The following NTM variants were observed in gnomAD, a reference collection of about 807,000 sequenced individuals.
NTM encodes the protein neurotrimin.
A neutral mutation model predicts 42.1 loss-of-function variants in NTM; 13 were observed. The ratio of observed to expected loss-of-function variants is 0.31; its 90% confidence interval spans 0.20 to 0.49. The LOEUF is 0.49. Ranked by LOEUF, NTM falls within the 20% of genes least tolerant of loss-of-function variation. The pLI, the probability that NTM is intolerant of heterozygous loss-of-function variation, is 0.99. For missense variants in NTM, 373 were observed against 452.8 expected, an observed-to-expected ratio of 0.82 and a Z score of 1.60; for synonymous variants, 187 against 179.2, an observed-to-expected ratio of 1.04 and a Z score of -0.35.
chr11:131,605,809 T>C lies in NTM; in HGVS notation c.82+234921T>C, dbSNP rs934968958. On this transcript the variant is annotated intron_variant, in intron 1 of 8. Coordinates refer to ENST00000683400, the MANE Select transcript of NTM (RefSeq NM_001352005.2). ...TTTGAAGTCAGCTTCAACAGTTCCTTGGTAGACAGCCCTATTTCTAACTGC... is the reference window on the plus strand; with the variant it reads ...TTTGAAGTCAGCTTCAACAGTTCCTCGGTAGACAGCCCTATTTCTAACTGC... 10 of 985,222 alleles carry C rather than the reference T, an allele frequency of 1.0e-5. No individual in the cohort carries two copies. The African/African-American group carries it at 1.7e-4, about 17-fold the overall frequency. 61.0% of individuals were successfully genotyped at this position (985,222 alleles called of 1,614,324 possible).
At chr11:131,819,340 G>T (rs904560913) in intron 1 of NTM, among the ~76,000 whole-genome samples, 5 of 152,094 alleles carry the variant, frequency 3.3e-5, no homozygotes, top group Non-Finnish European at 7.4e-5. Flanking sequence ...TTGGGGTCAG[G>T]TCTGGACATC....
intron 1 of NTM, among the ~76,000 whole-genome samples, chr11:131,853,671 T>C (rs963369627): frequency 6.6e-6 from 1 of 152,236 alleles, no homozygotes; most frequent in Non-Finnish European, 1.5e-5. Flanking sequence ...GTTCCATGTC[T>C]TTGCTATTGT....
intron 1 of NTM, among the ~76,000 whole-genome samples, chr11:131,669,656 C>A (rs2069765439): frequency 6.6e-6 from 1 of 152,138 alleles, no homozygotes; most frequent in South Asian, 2.1e-4. Flanking sequence ...GCTCTGTCAT[C>A]TCAGGCTGTT....
intron 1 of NTM, among the ~76,000 whole-genome samples, chr11:131,694,925 G>GCC (rs2075253182): frequency 6.6e-6 from 1 of 152,164 alleles, no homozygotes. Context: ...CGCCCTCGCA[G>GCC]CCGGAATGGG....
intron 1 of NTM, among the ~76,000 whole-genome samples, chr11:131,430,796 C>T (rs762825631): frequency 6.6e-6 from 1 of 152,196 alleles, no homozygotes; most frequent in Non-Finnish European, 1.5e-5. Context: ...TCCCTGCAGG[C>T]TACAGCAGCC....
chr11:132,035,177 A>C (rs994942603), intron 2 of NTM, among the ~76,000 whole-genome samples: 1 of 152,174 alleles, frequency 6.6e-6, no homozygotes, highest in East Asian at 1.9e-4. Flanking sequence ...ATTTTAATCT[A>C]TAAGAAGCTG....
chr11:131,396,337 G>A (rs113207943), intron 1 of NTM, among the ~76,000 whole-genome samples: 114 of 152,218 alleles, frequency 7.5e-4, no homozygotes, highest in African/African-American at 2.6e-3. Flanking sequence ...AGTGCCAGGC[G>A]TAGTATCAGT....
At chr11:131,982,312 G>T (rs1321626158) in intron 2 of NTM, among the ~76,000 whole-genome samples, 2 of 152,078 alleles carry the variant, frequency 1.3e-5, no homozygotes, top group Non-Finnish European at 2.9e-5. Flanking sequence ...GGGTTTCTTT[G>T]TTACGAAGAT....
At chr11:131,598,683 T>TTTTCTTTCTTTCTTTCTTTC (rs199821939) in intron 1 of NTM, among the ~76,000 whole-genome samples, 1 of 74,812 alleles carries the variant, frequency 1.3e-5, no homozygotes, top group African/African-American at 4.3e-5. Context: ...TTCTCATTTG[T>TTTTCTTTCTTTCTTTCTTTC]TTTCTTTCTT....
At chr11:132,293,592 G>C (rs1223257067) in intron 4 of NTM, among the ~76,000 whole-genome samples, 2 of 152,266 alleles carry the variant, frequency 1.3e-5, no homozygotes, top group South Asian at 4.1e-4. Flanking sequence ...GGAGATTTAC[G>C]CGTCTACAGG....
chr11:132,278,610 G>C (rs1393095079), intron 4 of NTM, among the ~76,000 whole-genome samples: 1 of 152,090 alleles, frequency 6.6e-6, no homozygotes, highest in Non-Finnish European at 1.5e-5. Flanking sequence ...CCTCTCAGTG[G>C]GAGGACTGTC....
chr11:131,531,248 A>G (rs1228367326), intron 1 of NTM, among the ~76,000 whole-genome samples: 3 of 152,030 alleles, frequency 2.0e-5, no homozygotes, highest in South Asian at 4.2e-4. Context: ...TGATCCTCCT[A>G]CCTCAGCCTC....
intron 2 of NTM, among the ~76,000 whole-genome samples, chr11:131,950,540 G>A (rs1037745528): frequency 4.6e-5 from 7 of 152,048 alleles, no homozygotes; most frequent in African/African-American, 9.7e-5. Context: ...TCCTTTGCAC[G>A]TTTAGGTCCT....
At chr11:131,528,780 C>A (rs1165010402) in intron 1 of NTM, among the ~76,000 whole-genome samples, 1 of 152,188 alleles carries the variant, frequency 6.6e-6, no homozygotes, top group Non-Finnish European at 1.5e-5. Flanking sequence ...TCCCAGAATT[C>A]TCTTCTACAT....
chr11:132,025,210 A>T (rs1220807590), intron 2 of NTM, among the ~76,000 whole-genome samples: 1 of 152,052 alleles, frequency 6.6e-6, no homozygotes, highest in East Asian at 1.9e-4. Context: ...TTCCATTGTC[A>T]TGTAGTCATT....
intron 7 of NTM, among the ~76,000 whole-genome samples, chr11:132,329,697 A>G (rs941393190): frequency 8.5e-5 from 13 of 152,288 alleles, no homozygotes; most frequent in Non-Finnish European, 1.6e-4. Context: ...CAAATGCTGT[A>G]GTATAAATCC....
At chr11:131,637,290 A>C (rs1038483371) in intron 1 of NTM, among the ~76,000 whole-genome samples, 2 of 151,936 alleles carry the variant, frequency 1.3e-5, no homozygotes, top group Admixed American at 1.3e-4. Flanking sequence ...CTGTAGAGAA[A>C]GCAACTAAAT....
At chr11:131,430,908 A>T (rs1410539004) in intron 1 of NTM, among the ~76,000 whole-genome samples, 1 of 152,216 alleles carries the variant, frequency 6.6e-6, no homozygotes, top group Non-Finnish European at 1.5e-5. Flanking sequence ...GTCTCCCCAC[A>T]GGCCCCAAAC....
chr11:132,051,496 G>A (rs184939228), intron 2 of NTM, among the ~76,000 whole-genome samples: 343 of 152,306 alleles, frequency 2.3e-3, no homozygotes, highest in African/African-American at 8.0e-3. Flanking sequence ...GTGACCAGGA[G>A]GGAAGGAAGT....
Sources: allele counts gnomAD v4.1 joint callset (sites outside exome capture counted in the v4.1 genomes callset), GRCh38; gene constraint gnomAD v4.1.1; transcripts MANE v1.5; gene names NCBI Gene and HGNC (gene_info 2026-07-23, HGNC 2026-07-21).